Variants in TNIP3 observed in about 807,000 individuals in gnomAD.
TNIP3 encodes TNFAIP3 interacting protein 3.
TNIP3 carries 34 observed loss-of-function variants against 54.1 expected under a neutral mutation model. The observed-to-expected ratio is 0.63, with a 90% CI of 0.48 to 0.84. TNIP3 has a LOEUF of 0.84. Among genes scored for constraint, TNIP3 ranks in the 40% least tolerant of loss-of-function variants. The pLI, the probability that TNIP3 is intolerant of heterozygous loss-of-function variation, is 0.00. For synonymous variants in TNIP3, 134 were observed against 136.8 expected (o/e 0.98, Z 0.14); for missense variants, 366 against 387.6 (o/e 0.94, Z 0.47).
intron 2 of TNIP3, among the ~76,000 whole-genome samples, chr4:121,209,288 G>T (rs1726350278): frequency 6.6e-6 from 1 of 152,176 alleles, no homozygotes; most frequent in African/African-American, 2.4e-5. Context: ...CAAACCTGAG[G>T]ATGGGGTTGT....
intron 10 of TNIP3, 71 bp from the exon 11 acceptor site, chr4:121,132,733 C>T: frequency 7.1e-7 from 1 of 1,409,132 alleles, no homozygotes; most frequent in Non-Finnish European, 9.9e-7. Context: ...TGGCTTAAGG[C>T]TGACATAAAG....
chr4:121,180,761 G>A (rs1281124770), intron 3 of TNIP3, among the ~76,000 whole-genome samples: 1 of 152,134 alleles, frequency 6.6e-6, no homozygotes, highest in Non-Finnish European at 1.5e-5. Context: ...TCATACAGTG[G>A]TGGTTTTCAA....
chr4:121,136,129 A>T (rs1276871909), intron 10 of TNIP3, among the ~76,000 whole-genome samples: 1 of 152,228 alleles, frequency 6.6e-6, no homozygotes, highest in African/African-American at 2.4e-5. Flanking sequence ...CTGTCCATGC[A>T]CAGGTTAGTT....
chr4:121,142,325 A>G (rs1028089074), intron 8 of TNIP3, among the ~76,000 whole-genome samples: 4 of 152,226 alleles, frequency 2.6e-5, no homozygotes, highest in African/African-American at 4.8e-5. Flanking sequence ...TCATTATTTA[A>G]GGCTATTAGA....
intron 2 of TNIP3, among the ~76,000 whole-genome samples, chr4:121,160,016 G>C (rs1482778617): frequency 6.6e-6 from 1 of 152,072 alleles, no homozygotes; most frequent in South Asian, 2.1e-4. Flanking sequence ...ATTATATTGA[G>C]AGTTACTCTG....
At chr4:121,209,361 G>A (rs1450020314) in intron 2 of TNIP3, among the ~76,000 whole-genome samples, 1 of 152,184 alleles carries the variant, frequency 6.6e-6, no homozygotes, top group Non-Finnish European at 1.5e-5. Context: ...CTTATAACTG[G>A]CCTCTGAAGT....
intron 2 of TNIP3, among the ~76,000 whole-genome samples, chr4:121,186,560 T>C (rs943745464): frequency 1.3e-5 from 2 of 152,192 alleles, no homozygotes; most frequent in Non-Finnish European, 2.9e-5. Context: ...TCTATGAACC[T>C]TTTTGGCCTG....
rs761864588 is a variant in TNIP3 at position 121,154,580 on chromosome 4, A to T, written c.463T>A (p.Tyr155Asn). ...TTGAGGCGTTTTATTTCACATTCGT[A>T]ATGTTCCTTTTCCTTGTTCGCAAGA... ...NTLANKEKEH[Y>N]ECEIKRLNKA... The change falls in exon 5 of 11, where the codon TAC (tyrosine) becomes AAC (asparagine). Residue 155 changes from tyrosine (Y) to asparagine (N), a missense_variant. Transcript: ENST00000057513. 8 of 1,613,922 alleles carry T rather than the reference A, an allele frequency of 5.0e-6. No homozygotes were observed. Among genetic ancestry groups the T allele is most frequent in the Non-Finnish European group, 5.9e-6 (7 of 1,179,998 alleles).
rs570878361 is a variant in TNIP3 at position 121,182,839 on chromosome 4, T to C, written c.69-43A>G. On this transcript the variant is annotated intron_variant, in intron 2 of 12. Coordinates refer to the TNIP3 transcript ENST00000507879. ...GGAAAGTTACATTATACAAAGGTAATTAAAAATTATTCAGGCGTAGAGTGA... is the reference window on the plus strand; with the variant it reads ...GGAAAGTTACATTATACAAAGGTAACTAAAAATTATTCAGGCGTAGAGTGA... The C allele has an allele frequency of 5.6e-4, 859 of 1,530,224 alleles. 2 individuals carry two copies. The highest frequency in any genetic ancestry group is 6.8e-4 in the Non-Finnish European group (776 of 1,144,476). 94.8% of individuals were successfully genotyped at this position (1,530,224 alleles called of 1,614,324 possible).
chr4:121,174,672 T>TG (rs1266940866), intron 3 of TNIP3, among the ~76,000 whole-genome samples: 4 of 150,468 alleles, frequency 2.7e-5, no homozygotes, highest in Admixed American at 6.6e-5. Context: ...TCTTCCTCAC[T>TG]GGAAAAAAAA....
upstream of TNIP3, among the ~76,000 whole-genome samples, chr4:121,166,449 G>A (rs1443128053): frequency 1.3e-5 from 2 of 152,150 alleles, no homozygotes; most frequent in Non-Finnish European, 2.9e-5. Context: ...TTAAGAGTCT[G>A]GCTTTTAGTC....
In TNIP3 at chr4:121,154,543, A is replaced by G; in HGVS notation, c.492+8T>C. 6.2e-7 allele frequency: 1 copy of G among 1,613,360 alleles called. No homozygotes were observed. Reference sequence around the variant, plus strand: ...ATTTTAATCTCCCATGCTTGACCTGACTGATACCTTATTGAGGCGTTTTAT... The same window carrying G: ...ATTTTAATCTCCCATGCTTGACCTGGCTGATACCTTATTGAGGCGTTTTAT... On this transcript the variant is annotated splice_region_variant and intron_variant, in intron 5 of 10. Coordinates refer to ENST00000057513, the MANE Select transcript of TNIP3 (RefSeq NM_024873.6).
chr4:121,138,690 T>C lies in TNIP3; in HGVS notation c.886-6A>G, dbSNP rs745380224. On this transcript the variant is annotated splice_polypyrimidine_tract_variant and splice_region_variant and intron_variant, in intron 9 of 10. Transcript: ENST00000057513. ...GCATACCACTGATAGTCTGGCTGTG[T>C]GGAACAATACAACATTATTATAGCA... is the stretch of plus-strand genomic sequence containing the variant. The C allele has an allele frequency of 2.5e-6, 4 of 1,613,278 alleles. No homozygotes were observed. Among genetic ancestry groups the C allele is most frequent in the Non-Finnish European group, 3.4e-6 (4 of 1,179,234 alleles).
Position 121,134,838 on chromosome 4 carries a change from C to T in TNIP3, c.947-2176G>A, listed in dbSNP as rs80057343. Among the ~76,000 whole-genome samples the T allele has an allele frequency of 9.9e-5, 15 of 152,284 alleles. No homozygotes were observed. The East Asian group carries it at 1.5e-3, about 16-fold the overall frequency. On this transcript the variant is annotated intron_variant, in intron 10 of 10. Transcript: ENST00000057513. ...GCCACACCCTTCCTCACAGTGTGAGCGACGTTTCCTCCAGAACAAGCTCCT... is the reference window on the plus strand; with the variant it reads ...GCCACACCCTTCCTCACAGTGTGAGTGACGTTTCCTCCAGAACAAGCTCCT...
At chr4:121,213,149 G>A (rs1385300943) in intron 2 of TNIP3, among the ~76,000 whole-genome samples, 1 of 152,152 alleles carries the variant, frequency 6.6e-6, no homozygotes, top group Non-Finnish European at 1.5e-5. Context: ...TGAATGACTT[G>A]AATATGAAGA....
intron 5 of TNIP3, among the ~76,000 whole-genome samples, chr4:121,152,940 C>G (rs116753171): frequency 0.012 from 1,782 of 152,006 alleles, 31 homozygotes; most frequent in African/African-American, 0.04. Context: ...AGATTAGTAG[C>G]TAGAAAACAA....
chr4:121,153,526 A>G (rs1205576159), intron 5 of TNIP3, among the ~76,000 whole-genome samples: 6 of 152,178 alleles, frequency 3.9e-5, no homozygotes, highest in Admixed American at 2.6e-4. Context: ...CCGCATTTGT[A>G]TGTCTGAGCA....
upstream of TNIP3, among the ~76,000 whole-genome samples, chr4:121,167,519 T>A (rs778892274): frequency 6.6e-6 from 1 of 152,172 alleles, no homozygotes; most frequent in African/African-American, 2.4e-5. Context: ...TTATGAAGGA[T>A]TCTGACAAAT....
At chr4:121,148,283 C>T (rs568530098) in intron 6 of TNIP3, among the ~76,000 whole-genome samples, 27 of 152,262 alleles carry the variant, frequency 1.8e-4, no homozygotes, top group African/African-American at 5.8e-4. Flanking sequence ...TGATTAGAAA[C>T]GTGCACAGTT....
Sources: allele counts gnomAD v4.1 joint callset (sites outside exome capture counted in the v4.1 genomes callset), GRCh38; gene constraint gnomAD v4.1.1; transcripts MANE v1.5; gene names NCBI Gene and HGNC (gene_info 2026-07-23, HGNC 2026-07-21).